The following LRP1B variants were observed in gnomAD, a reference collection of about 807,000 sequenced individuals.
LRP1B encodes LDL receptor related protein 1B, also known as low-density lipoprotein receptor-related protein 1B.
Under a neutral mutation model 556.6 loss-of-function variants are expected in LRP1B, and 217 were observed. The ratio of observed to expected loss-of-function variants is 0.39; its 90% CI spans 0.35 to 0.44. LRP1B has a LOEUF of 0.44. LRP1B is among the 20% of genes least tolerant of loss of function. LRP1B has a pLI of 1.00. For missense variants in LRP1B, 5,053 were observed against 5,620.8 expected, an observed-to-expected ratio of 0.90 and a Z score of 3.23; for synonymous variants, 2,047 against 1,865.8, an observed-to-expected ratio of 1.10 and a Z score of -2.50.
chr2:142,002,571 C>T (rs925781988), intron 1 of LRP1B, among the ~76,000 whole-genome samples: 1 of 151,048 alleles, frequency 6.6e-6, no homozygotes, highest in South Asian at 2.1e-4. Flanking sequence ...TTCATTGAGG[C>T]CTGTCAGATT....
At chr2:140,266,622 CTTTTA>C (rs1682214832) in intron 86 of LRP1B, among the ~76,000 whole-genome samples, 1 of 151,878 alleles carries the variant, frequency 6.6e-6, no homozygotes, top group Non-Finnish European at 1.5e-5. Context: ...CTACCTTGGC[CTTTTA>C]TTTTTAGACC....
chr2:140,962,759 G>T lies in LRP1B; in HGVS notation c.2888-10819C>A, dbSNP rs535095127. Among the ~76,000 whole-genome samples, 4 of 152,318 alleles carry T rather than the reference G, an allele frequency of 2.6e-5. No individual in the cohort carries two copies. In the East Asian group the frequency reaches 7.7e-4, roughly 29 times the overall value. ...AAACTACACAATGCTGTGCTTCTGG[G>T]ATGTGCAGCAGTGGAAAGGTGTTTT... On this transcript the variant is annotated intron_variant, in intron 18 of 90. Transcript: ENST00000389484.
intron 57 of LRP1B, among the ~76,000 whole-genome samples, chr2:140,489,531 C>G (rs1688611705): frequency 6.6e-6 from 1 of 152,032 alleles, no homozygotes; most frequent in African/African-American, 2.4e-5. Flanking sequence ...ATGCACATAA[C>G]CATATATATG....
intron 1 of LRP1B, among the ~76,000 whole-genome samples, chr2:141,894,635 T>TTAGATCTAGATCTAGATCTAGATC (rs6146947): frequency 5.2e-4 from 77 of 147,820 alleles, no homozygotes; most frequent in African/African-American, 1.1e-3. Context: ...AATAGAATAT[T>TTAGATCTAGATCTAGATCTAGATC]TAGATCTAGA....
chr2:140,483,064 C>T (rs924458444), intron 59 of LRP1B, among the ~76,000 whole-genome samples: 14 of 152,130 alleles, frequency 9.2e-5, no homozygotes, highest in African/African-American at 3.1e-4. Flanking sequence ...CTCAGGGGAA[C>T]TAGGCAAACA....
chr2:142,052,784 A>G (rs913678854), intron 1 of LRP1B, among the ~76,000 whole-genome samples: 6 of 151,298 alleles, frequency 4.0e-5, no homozygotes, highest in South Asian at 4.2e-4. Context: ...ACACACAAGT[A>G]TGGGAATTTG....
chr2:141,892,366 T>C (rs991257312), intron 1 of LRP1B, among the ~76,000 whole-genome samples: 6 of 151,988 alleles, frequency 3.9e-5, no homozygotes, highest in African/African-American at 1.4e-4. Flanking sequence ...AATATACGGA[T>C]AGACCCTTTT....
chr2:141,990,748 C>A (rs1025451816), intron 1 of LRP1B, among the ~76,000 whole-genome samples: 2 of 152,002 alleles, frequency 1.3e-5, no homozygotes, highest in Non-Finnish European at 2.9e-5. Flanking sequence ...TCTATATGCA[C>A]ACACATATTT....
At chr2:141,886,695 A>C (rs1203199712) in intron 1 of LRP1B, among the ~76,000 whole-genome samples, 1 of 152,182 alleles carries the variant, frequency 6.6e-6, no homozygotes, top group Admixed American at 6.6e-5. Flanking sequence ...ATTATTTTTA[A>C]AATTCCTTTG....
intron 7 of LRP1B, among the ~76,000 whole-genome samples, chr2:141,069,994 C>T (rs1211873308): frequency 4.1e-5 from 6 of 145,246 alleles, no homozygotes; most frequent in Non-Finnish European, 9.0e-5. Flanking sequence ...TGATGTTCCC[C>T]TTCCTGTGTC....
intron 1 of LRP1B, among the ~76,000 whole-genome samples, chr2:141,814,708 A>G (rs1320939989): frequency 1.3e-5 from 2 of 152,220 alleles, no homozygotes; most frequent in African/African-American, 4.8e-5. Context: ...GGAGACATCC[A>G]AGAAGAAATA....
chr2:141,832,453 T>C (rs1697145368), intron 1 of LRP1B, among the ~76,000 whole-genome samples: 2 of 151,616 alleles, frequency 1.3e-5, no homozygotes, highest in Admixed American at 1.3e-4. Flanking sequence ...AATATCATCT[T>C]TCACAAACAT....
intron 6 of LRP1B, among the ~76,000 whole-genome samples, chr2:141,197,255 C>G (rs953795234): frequency 2.6e-5 from 4 of 152,122 alleles, no homozygotes; most frequent in Admixed American, 1.3e-4. Flanking sequence ...AAAACAGGCT[C>G]TAAGCTAATC....
At chr2:140,827,674 A>C (rs985797037) in intron 31 of LRP1B, among the ~76,000 whole-genome samples, 1 of 152,138 alleles carries the variant, frequency 6.6e-6, no homozygotes, top group Admixed American at 6.5e-5. Flanking sequence ...AAGGGAGTTG[A>C]GAAAGAGCAA....
chr2:140,990,106 C>T (rs1697047623), intron 16 of LRP1B, among the ~76,000 whole-genome samples: 1 of 151,982 alleles, frequency 6.6e-6, no homozygotes, highest in Non-Finnish European at 1.5e-5. Context: ...ACTTGGGAGG[C>T]TGAGGCAGGA....
intron 31 of LRP1B, among the ~76,000 whole-genome samples, chr2:140,830,096 T>C (rs570967199): frequency 1.3e-5 from 2 of 151,930 alleles, no homozygotes; most frequent in African/African-American, 2.4e-5. Flanking sequence ...TAATGAGTAA[T>C]GAGATTAAAT....
intron 66 of LRP1B, among the ~76,000 whole-genome samples, chr2:140,438,296 C>T (rs1686276857): frequency 1.3e-5 from 2 of 152,188 alleles, no homozygotes; most frequent in Admixed American, 1.3e-4. Context: ...TGAGCCACCA[C>T]TCCCAGCCTG....
At chr2:141,136,939 T>C (rs1701506633) in intron 7 of LRP1B, among the ~76,000 whole-genome samples, 1 of 151,910 alleles carries the variant, frequency 6.6e-6, no homozygotes, top group Non-Finnish European at 1.5e-5. Context: ...GTTCTATAGA[T>C]ACTATTTTCC....
chr2:141,787,433 G>A (rs926361907), intron 2 of LRP1B, among the ~76,000 whole-genome samples: 8 of 151,928 alleles, frequency 5.3e-5, no homozygotes, highest in Admixed American at 2.0e-4. Context: ...ACTGATATAT[G>A]CAATCACATA....
Sources: gnomAD v4.1 joint callset for allele counts (sites outside exome capture counted in the v4.1 genomes callset) on GRCh38, gnomAD v4.1.1 for gene constraint, MANE v1.5 for transcripts, NCBI Gene and HGNC (gene_info 2026-07-23, HGNC 2026-07-21) for gene names.